DIP2C: variants seen among roughly 807,000 people sequenced by gnomAD.
DIP2C encodes the protein DIP2 acetate--CoA ligase C (putative), also known as disco-interacting protein 2 homolog C.
In DIP2C, 33 loss-of-function variants were observed where a neutral mutation model predicts 192.4. That is an observed-to-expected ratio of 0.17 (90% CI 0.13 to 0.23). DIP2C has a LOEUF of 0.23. DIP2C is among the 10% of genes least tolerant of loss of function. DIP2C has a pLI of 1.00. For synonymous variants in DIP2C, 979 were observed against 864.1 expected, an observed-to-expected ratio of 1.13 and a Z score of -2.33; for missense variants, 1,537 against 2,110.1, an observed-to-expected ratio of 0.73 and a Z score of 5.32.
chr10:524,529 A>G (rs893957980), intron 1 of DIP2C, among the ~76,000 whole-genome samples: 1 of 152,332 alleles, frequency 6.6e-6, no homozygotes, highest in African/African-American at 2.4e-5. Flanking sequence ...TGTATAAAAC[A>G]TGGACGATAA....
chr10:349,531 C>T, intron 24 of DIP2C, 77 bp from the exon 25 acceptor site: 2 of 1,526,938 alleles, frequency 1.3e-6, no homozygotes, highest in Non-Finnish European at 1.8e-6. Flanking sequence ...ACGCGTCATA[C>T]AACTCACTGG....
intron 36 of DIP2C, among the ~76,000 whole-genome samples, chr10:277,782 C>T (rs1474719976): frequency 6.6e-6 from 1 of 152,092 alleles, no homozygotes. Context: ...GTGTTTCCTA[C>T]CAGCCTTCTC....
chr10:454,363 TAAAATACTA>T (rs1228682284), intron 3 of DIP2C, among the ~76,000 whole-genome samples: 5 of 152,124 alleles, frequency 3.3e-5, no homozygotes, highest in African/African-American at 4.8e-5. Context: ...TAAAAAGGGA[TAAAATACTA>T]AAAATACTAA....
intron 1 of DIP2C, among the ~76,000 whole-genome samples, chr10:580,761 T>C (rs1264274316): frequency 6.6e-6 from 1 of 152,018 alleles, no homozygotes; most frequent in Non-Finnish European, 1.5e-5. Flanking sequence ...ATAGAAGTCA[T>C]ACAAAGAGGG....
intron 1 of DIP2C, among the ~76,000 whole-genome samples, chr10:588,190 A>T (rs1851188651): frequency 7.7e-6 from 1 of 129,716 alleles, no homozygotes; most frequent in African/African-American, 3.1e-5. Context: ...CGGAAACCCC[A>T]CATCCACACC....
chr10:329,375 C>T, intron 30 of DIP2C, 58 bp downstream of exon 30: 2 of 1,531,934 alleles, frequency 1.3e-6, no homozygotes, highest in Middle Eastern at 1.7e-4. Flanking sequence ...GATGTGCCTT[C>T]TTAGAAAGGA....
intron 1 of DIP2C, among the ~76,000 whole-genome samples, chr10:619,821 T>C (rs1029638426): frequency 3.3e-5 from 5 of 152,002 alleles, no homozygotes; most frequent in South Asian, 4.1e-4. Context: ...TGGATAAAAA[T>C]GGCAGCTCCC....
intron 14 of DIP2C, among the ~76,000 whole-genome samples, chr10:386,332 G>C (rs1346308576): frequency 6.6e-6 from 1 of 152,216 alleles, no homozygotes; most frequent in Non-Finnish European, 1.5e-5. Context: ...GTTTGGATTT[G>C]AGAAGGGACT....
At chr10:423,401 G>A (rs536655793) in intron 4 of DIP2C, among the ~76,000 whole-genome samples, 27 of 152,290 alleles carry the variant, frequency 1.8e-4, no homozygotes, top group Non-Finnish European at 2.6e-4. Flanking sequence ...GGGCCTGTGC[G>A]GCTCTCAGGA....
intron 6 of DIP2C, among the ~76,000 whole-genome samples, chr10:417,998 G>GTTCCTGT (rs1965868948): frequency 4.6e-5 from 4 of 87,774 alleles, no homozygotes; most frequent in African/African-American, 9.1e-5. Flanking sequence ...CTGTCCACCT[G>GTTCCTGT]CACCTGTCAG....
intron 2 of DIP2C, among the ~76,000 whole-genome samples, chr10:483,057 G>T (rs1320613759): frequency 6.6e-6 from 1 of 152,180 alleles, no homozygotes; most frequent in African/African-American, 2.4e-5. Context: ...GCTCACTTCT[G>T]AATCCCGACT....
intron 10 of DIP2C, among the ~76,000 whole-genome samples, chr10:392,775 TCA>T (rs1046669342): frequency 1.4e-4 from 21 of 150,914 alleles, no homozygotes; most frequent in African/African-American, 2.9e-4. Context: ...CTTAACACTC[TCA>T]CACGCGCCCA....
Position 415,943 on chromosome 10 carries a change from ACCCACAGT to A in DIP2C, c.740-63_740-56del, listed in dbSNP as rs371035835. The A allele has an allele frequency of 1.0e-3, 1,634 of 1,609,506 alleles. 3 individuals carry two copies. In the African/African-American group the frequency reaches 0.016, roughly 15 times the overall value. Reference sequence around the variant, plus strand: ...AGCGATCATCACAGCTTCAATGAGCACCCACAGTCCCACAGTCCCACAGCCCCCTCCCC... The same window carrying A: ...AGCGATCATCACAGCTTCAATGAGCACCCACAGTCCCACAGCCCCCTCCCC... On this transcript the variant is annotated intron_variant, in intron 6 of 36. Transcript: ENST00000280886.
At chr10:506,329 G>C (rs536355033) in intron 1 of DIP2C, among the ~76,000 whole-genome samples, 1 of 152,284 alleles carries the variant, frequency 6.6e-6, no homozygotes, top group South Asian at 2.1e-4. Context: ...CATCTTCTGA[G>C]AGGGAAGCTG....
At chr10:330,241 T>TA (rs1957442026) in intron 29 of DIP2C, among the ~76,000 whole-genome samples, 1 of 152,166 alleles carries the variant, frequency 6.6e-6, no homozygotes, top group South Asian at 2.1e-4. Context: ...AGATTTTTAC[T>TA]AAAAAGGATC....
At chr10:367,124 G>T (rs532493112) in intron 18 of DIP2C, among the ~76,000 whole-genome samples, 1 of 152,240 alleles carries the variant, frequency 6.6e-6, no homozygotes, top group African/African-American at 2.4e-5. Context: ...CAGGAAGAAA[G>T]ATTCACATTA....
chr10:635,755 C>T (rs1854791502), intron 1 of DIP2C, among the ~76,000 whole-genome samples: 2 of 152,340 alleles, frequency 1.3e-5, no homozygotes, highest in South Asian at 2.1e-4. Flanking sequence ...GGTGAGACCT[C>T]GAGGCCCTGC....
In DIP2C at chr10:684,596, C is replaced by T. The variant is rs544331641; in HGVS notation, c.85+4898G>A. On this transcript the variant is annotated intron_variant, in intron 1 of 36. Coordinates refer to ENST00000280886, the MANE Select transcript of DIP2C (RefSeq NM_014974.3). ...GGTCAGCTCTTACACAGGCGTGTGA[C>T]TTCCTCACTGTGCAGGGTGGAACCT... Among the ~76,000 whole-genome samples the T allele has an allele frequency of 1.9e-3, 296 of 152,314 alleles. 1 individual carries two copies. Among genetic ancestry groups the T allele is most frequent in the African/African-American group, 6.4e-3 (266 of 41,568 alleles).
At chr10:462,620 T>C (rs1041874372) in intron 3 of DIP2C, among the ~76,000 whole-genome samples, 22 of 152,184 alleles carry the variant, frequency 1.4e-4, no homozygotes, top group African/African-American at 5.1e-4. Flanking sequence ...TAGCATTCCT[T>C]CTGAAACTAT....
Sources: allele counts gnomAD v4.1 joint callset (sites outside exome capture counted in the v4.1 genomes callset), GRCh38; gene constraint gnomAD v4.1.1; transcripts MANE v1.5; gene names NCBI Gene and HGNC (gene_info 2026-07-23, HGNC 2026-07-21).